GALNT7: variants seen among roughly 807,000 people sequenced by gnomAD.
GALNT7 encodes N-acetylgalactosaminyltransferase 7.
Under a neutral mutation model 82.1 loss-of-function variants are expected in GALNT7, and 60 were observed. That is an observed-to-expected ratio of 0.73 (90% CI 0.59 to 0.91). The LOEUF is 0.91. GALNT7 is among the 40% of genes least tolerant of loss of function. GALNT7 has a pLI of 0.00. For synonymous variants in GALNT7, 243 were observed against 275.1 expected, an observed-to-expected ratio of 0.88 and a Z score of 1.15; for missense variants, 660 against 804.2, an observed-to-expected ratio of 0.82 and a Z score of 2.17.
intron 2 of GALNT7, among the ~76,000 whole-genome samples, chr4:173,281,277 G>C (rs1194357852): frequency 6.6e-6 from 1 of 152,148 alleles, no homozygotes; most frequent in African/African-American, 2.4e-5. Flanking sequence ...CCCTGCTGCA[G>C]TAACTTCTAT....
intron 2 of GALNT7, among the ~76,000 whole-genome samples, chr4:173,273,129 A>C (rs905095553): frequency 2.0e-5 from 3 of 152,216 alleles, no homozygotes; most frequent in Non-Finnish European, 4.4e-5. Flanking sequence ...TTGCTTTTGG[A>C]AATGTAAGTC....
At chr4:173,197,657 T>C (rs1579902036) in intron 1 of GALNT7, among the ~76,000 whole-genome samples, 1 of 152,238 alleles carries the variant, frequency 6.6e-6, no homozygotes, top group East Asian at 1.9e-4. Context: ...GTAGTGGAGG[T>C]AGAGATGTGC....
rs930169182 is a variant in GALNT7 at position 173,322,427 on chromosome 4, A to G, written c.*710A>G. ...TGTATGGCTTGAAAAAGAAATGACA[A>G]TATGGAACATCCCAAGGCTGTCCCA... On this transcript the variant is annotated 3_prime_UTR_variant, in exon 12 of 12. Transcript: ENST00000265000. 5.9e-5 allele frequency: 9 copies of G among 152,536 alleles called. No homozygotes were observed. The highest frequency in any genetic ancestry group is 1.4e-4 in the African/African-American group (6 of 41,450). 9.4% of individuals were successfully genotyped at this position (152,536 alleles called of 1,614,324 possible). A position where few individuals can be genotyped will look rare whatever the true frequency, so the allele number is the denominator to read the frequency against.
chr4:173,249,584 A>G (rs548677840), intron 2 of GALNT7, among the ~76,000 whole-genome samples: 1 of 152,234 alleles, frequency 6.6e-6, no homozygotes, highest in Non-Finnish European at 1.5e-5. Flanking sequence ...ATTTATTCCC[A>G]GTAGAGACTT....
chr4:173,216,261 A>C (rs1348175105), intron 1 of GALNT7, among the ~76,000 whole-genome samples: 1 of 152,252 alleles, frequency 6.6e-6, no homozygotes, highest in Non-Finnish European at 1.5e-5. Context: ...TTTCTTCATT[A>C]AAAGTGCAAA....
In GALNT7 at chr4:173,292,313, G is replaced by C. The variant is rs745507802; in HGVS notation, c.754+39G>C. The C allele has an allele frequency of 7.7e-7, 1 of 1,298,458 alleles. No homozygotes were observed. Among genetic ancestry groups the C allele is most frequent in the Non-Finnish European group, 1.1e-6 (1 of 931,728 alleles). The allele number at this position is 1,298,458 out of a possible 1,614,324, so 80.4% of individuals were successfully genotyped here. On this transcript the variant is annotated intron_variant, in intron 3 of 11. Transcript: ENST00000265000. The surrounding 1 kb of genome is among the most constrained non-coding windows in gnomAD (Gnocchi z 4.8). ...AACTCACATTTTGTCTATAAAATAA[G>C]TTAAGCATGAATAATTGCAAAAAGG... is the stretch of plus-strand genomic sequence containing the variant.
chr4:173,301,882 AT>A (rs1736953660), intron 6 of GALNT7, among the ~76,000 whole-genome samples, 164 bp from the exon 7 acceptor site: 1 of 151,956 alleles, frequency 6.6e-6, no homozygotes, highest in South Asian at 2.1e-4. Context: ...TTATGAACAG[AT>A]TTTTTTCTTT....
At chr4:173,211,694 G>A (rs926236575) in intron 1 of GALNT7, among the ~76,000 whole-genome samples, 2 of 152,218 alleles carry the variant, frequency 1.3e-5, no homozygotes, top group South Asian at 4.1e-4. Context: ...TGTCTAAATA[G>A]TCTTGTTAAT....
At chr4:173,244,102 T>C (rs553049013) in intron 1 of GALNT7, among the ~76,000 whole-genome samples, 2 of 152,302 alleles carry the variant, frequency 1.3e-5, no homozygotes, top group South Asian at 4.1e-4. Flanking sequence ...TGTAAATACA[T>C]GGTTACTGGA....
chr4:173,189,025 G>A (rs941972598), intron 1 of GALNT7, among the ~76,000 whole-genome samples: 2 of 152,092 alleles, frequency 1.3e-5, no homozygotes, highest in Non-Finnish European at 2.9e-5. Flanking sequence ...AATACTCTTC[G>A]TCTCCCTGGT....
At chr4:173,211,468 C>T (rs78095030) in intron 1 of GALNT7, among the ~76,000 whole-genome samples, 2,062 of 152,270 alleles carry the variant, frequency 0.014, 49 homozygotes, top group African/African-American at 0.047. Context: ...TGATACAGAC[C>T]TCAGTCTTCC....
intron 1 of GALNT7, among the ~76,000 whole-genome samples, chr4:173,202,376 C>T (rs369835599): frequency 2.0e-5 from 3 of 152,122 alleles, no homozygotes; most frequent in South Asian, 2.1e-4. Flanking sequence ...ACTTGTAGGA[C>T]ACTGTGGGGA....
At chr4:173,277,435 A>G (rs943482243) in intron 2 of GALNT7, among the ~76,000 whole-genome samples, 7 of 152,200 alleles carry the variant, frequency 4.6e-5, no homozygotes, top group African/African-American at 1.2e-4. Context: ...TGACAATGCA[A>G]GAGCCTAGTA....
chr4:173,233,657 T>G (rs1307889494), intron 1 of GALNT7, among the ~76,000 whole-genome samples: 1 of 152,168 alleles, frequency 6.6e-6, no homozygotes, highest in Non-Finnish European at 1.5e-5. Flanking sequence ...ATTCCATCTT[T>G]CCTATTACAT....
intron 8 of GALNT7, among the ~76,000 whole-genome samples, chr4:173,307,113 T>C (rs904576013): frequency 6.6e-6 from 1 of 152,234 alleles, no homozygotes; most frequent in African/African-American, 2.4e-5. Flanking sequence ...ATAGTGGCAG[T>C]GAGGCATGTT....
At chr4:173,201,405 A>G (rs17322893) in intron 1 of GALNT7, among the ~76,000 whole-genome samples, 37,379 of 152,100 alleles carry the variant, frequency 0.25, 5,318 homozygotes, top group Admixed American at 0.34. Flanking sequence ...ATAAATTTCC[A>G]AGTACTTGCT....
At chr4:173,210,823 T>C (rs961702937) in intron 1 of GALNT7, among the ~76,000 whole-genome samples, 7 of 152,224 alleles carry the variant, frequency 4.6e-5, no homozygotes, top group Non-Finnish European at 8.8e-5. Context: ...TAAATATCTT[T>C]TGTAGAAGAT....
intron 2 of GALNT7, 113 bp downstream of exon 2, chr4:173,248,553 G>T: frequency 3.0e-6 from 2 of 675,348 alleles, no homozygotes; most frequent in Non-Finnish European, 4.9e-6. Flanking sequence ...TTTATTTCAA[G>T]GAAATAAGAG....
intron 1 of GALNT7, among the ~76,000 whole-genome samples, chr4:173,224,994 G>C (rs556322026): frequency 4.0e-4 from 60 of 148,674 alleles, no homozygotes; most frequent in East Asian, 3.0e-3. Context: ...TAGCCTGGAC[G>C]ACAGAGCGAG....
Sources: gnomAD v4.1 joint callset for allele counts (sites outside exome capture counted in the v4.1 genomes callset) on GRCh38, gnomAD v4.1.1 for gene constraint, Gnocchi (gnomAD v3.1) non-coding constraint, MANE v1.5 for transcripts, NCBI Gene and HGNC (gene_info 2026-07-23, HGNC 2026-07-21) for gene names.